The following ARMC9 variants were observed in gnomAD, a reference collection of about 807,000 sequenced individuals.
ARMC9 encodes armadillo repeat containing 9.
Under a neutral mutation model 107.0 loss-of-function variants are expected in ARMC9, and 94 were observed. The observed-to-expected ratio is 0.88, with a 90% CI of 0.74 to 1.04. The LOEUF is 1.04. Ranked by LOEUF, ARMC9 falls within the 50% of genes least tolerant of loss-of-function variation. The pLI, the probability that ARMC9 is intolerant of heterozygous loss-of-function variation, is 0.00. For missense variants in ARMC9, 942 were observed against 1,030.1 expected (o/e 0.91, Z 1.17); for synonymous variants, 380 against 396.9 (o/e 0.96, Z 0.51).
rs144120568 is a variant in ARMC9, at chr2:231,278,421, A to G, written c.1514A>G (p.Lys505Arg). ...MCAKVAGLVL[K>R]VLSDLLGHEN... ...GCCAAGGTGGCAGGCCTCGTGCTCA[A>G]AGTCCTTTCGGATCTTCTTGGCCAT... Residue 505 changes from lysine (K) to arginine (R), a missense_variant, in exon 16 of 25, where the codon AAA becomes AGA. By Grantham distance (26) the Lys-to-Arg change is conservative (BLOSUM62 2). Coordinates refer to ENST00000611582, the MANE Select transcript of ARMC9 (RefSeq NM_001352754.2). 2.5e-6 allele frequency: 4 copies of G among 1,614,022 alleles called. No homozygotes were observed. Among genetic ancestry groups the G allele is most frequent in the African/African-American group, 2.7e-5 (2 of 74,920 alleles).
intron 22 of ARMC9, among the ~76,000 whole-genome samples, chr2:231,357,772 T>C (rs887837268): frequency 2.0e-5 from 3 of 152,144 alleles, no homozygotes; most frequent in African/African-American, 7.2e-5. Flanking sequence ...CGAAGTTTGC[T>C]GTTGCCTAGG....
At chr2:231,236,628 T>C (rs2035738803) in intron 8 of ARMC9, among the ~76,000 whole-genome samples, 1 of 152,084 alleles carries the variant, frequency 6.6e-6, no homozygotes, top group Non-Finnish European at 1.5e-5. Context: ...GAGACCTCTG[T>C]CACTAAAAAT....
At chr2:231,356,296 C>A (rs1020932469) in intron 22 of ARMC9, among the ~76,000 whole-genome samples, 24 of 152,310 alleles carry the variant, frequency 1.6e-4, no homozygotes, top group African/African-American at 5.5e-4. Context: ...AGGCCAGCCG[C>A]CTGCTGGAAG....
chr2:231,240,130 A>G (rs983540099), intron 9 of ARMC9, 89 bp downstream of exon 9: 1 of 1,120,396 alleles, frequency 8.9e-7, no homozygotes, highest in East Asian at 2.6e-5. Context: ...TGAAAAAATA[A>G]CATGCAAGAG....
chr2:231,359,967 A>G (rs1575181167), intron 22 of ARMC9, among the ~76,000 whole-genome samples: 1 of 152,298 alleles, frequency 6.6e-6, no homozygotes, highest in East Asian at 1.9e-4. Flanking sequence ...AAGAGCTGAG[A>G]GGAGCTTGGC....
At position 231,304,088 on chromosome 2, in the gene ARMC9, G is replaced by A. The variant is rs953737477; in HGVS notation, c.1773+7835G>A. On this transcript the variant is annotated intron_variant, in intron 19 of 24. Transcript: ENST00000611582. ...CTACTGAAAATACAAAAGTTAGCTG[G>A]GTGTGGTGGCGCACGCCTGTAGTCC... 4.6e-5 allele frequency among the ~76,000 whole-genome samples: 7 copies of A among 152,118 alleles called. No individual in the cohort carries two copies. The East Asian group carries it at 1.4e-3, about 30-fold the overall frequency.
chr2:231,258,427 C>A (rs573955856), intron 10 of ARMC9, among the ~76,000 whole-genome samples: 2 of 152,144 alleles, frequency 1.3e-5, no homozygotes, highest in African/African-American at 4.8e-5. Context: ...GTGATCCACC[C>A]GCACAGGCCT....
At chr2:231,270,678 T>C (rs1482857871) in intron 12 of ARMC9, 2 of 544,066 alleles carry the variant, frequency 3.7e-6, no homozygotes, top group Admixed American at 2.2e-5. Flanking sequence ...TCTGCCATTC[T>C]AACCTGGAAA....
chr2:231,313,617 G>A (rs947450531), intron 19 of ARMC9, among the ~76,000 whole-genome samples: 4 of 152,032 alleles, frequency 2.6e-5, no homozygotes, highest in African/African-American at 9.7e-5. Flanking sequence ...AAGCTCCCTT[G>A]TGCACATTTG....
intron 1 of ARMC9, among the ~76,000 whole-genome samples, chr2:231,203,686 G>C (rs982665464): frequency 6.6e-6 from 1 of 152,158 alleles, no homozygotes; most frequent in East Asian, 1.9e-4. Flanking sequence ...AAGGCTGGGC[G>C]TGGTGGCTCA....
At chr2:231,203,804 A>T (rs1054608217) in intron 1 of ARMC9, among the ~76,000 whole-genome samples, 1 of 152,182 alleles carries the variant, frequency 6.6e-6, no homozygotes, top group Non-Finnish European at 1.5e-5. Flanking sequence ...TACTAAAAAT[A>T]CAAAAATTAG....
At chr2:231,263,861 T>C (rs973114834) in intron 12 of ARMC9, among the ~76,000 whole-genome samples, 1 of 152,234 alleles carries the variant, frequency 6.6e-6, no homozygotes, top group East Asian at 1.9e-4. Context: ...TAATGTATTG[T>C]TATAACTTCC....
Position 231,304,565 on chromosome 2 carries a change from T to C in ARMC9, c.1773+8312T>C, listed in dbSNP as rs368154820. ...CATGTGCCACCACGCCTGGCTAATT[T>C]TTTGTATTTTTAGTAGAGACAGGGC... is the stretch of plus-strand genomic sequence containing the variant. On this transcript the variant is annotated intron_variant, in intron 19 of 24. Coordinates refer to ENST00000611582, the MANE Select transcript of ARMC9 (RefSeq NM_001352754.2). 2.0e-5 allele frequency among the ~76,000 whole-genome samples: 3 copies of C among 152,248 alleles called. No homozygotes were observed. The East Asian group carries it at 5.8e-4, about 30-fold the overall frequency.
intron 6 of ARMC9, 22 bp from the exon 7 acceptor site, chr2:231,226,752 C>G: frequency 6.2e-7 from 1 of 1,612,756 alleles, no homozygotes; most frequent in Non-Finnish European, 8.5e-7. Context: ...GCCTGTTTTC[C>G]TGAACTTCTT....
intron 13 of ARMC9, among the ~76,000 whole-genome samples, chr2:231,272,204 T>C (rs2039391085): frequency 1.4e-5 from 2 of 147,004 alleles, no homozygotes; most frequent in Admixed American, 1.3e-4. Flanking sequence ...TTTTTTTTTT[T>C]TTTTTTGAGA....
chr2:231,270,854 C>A, intron 12 of ARMC9, 128 bp from the exon 13 acceptor site: 2 of 813,122 alleles, frequency 2.5e-6, no homozygotes, highest in Non-Finnish European at 2.1e-6. Context: ...AAATGTTTGG[C>A]TTTAGTCTGT....
At chr2:231,340,880 C>G (rs1553633059) in intron 20 of ARMC9, among the ~76,000 whole-genome samples, 1 of 151,854 alleles carries the variant, frequency 6.6e-6, no homozygotes, top group Non-Finnish European at 1.5e-5. Flanking sequence ...AGAGCAAGCT[C>G]CGTCTCAAAA....
At chr2:231,238,498 T>G (rs1317199400) in intron 8 of ARMC9, among the ~76,000 whole-genome samples, 1 of 152,170 alleles carries the variant, frequency 6.6e-6, no homozygotes, top group Non-Finnish European at 1.5e-5. Context: ...TACAGGTGTG[T>G]GCCACCATGC....
chr2:231,364,713 A>G (rs1028145216), intron 23 of ARMC9, among the ~76,000 whole-genome samples: 1 of 151,964 alleles, frequency 6.6e-6, no homozygotes, highest in Non-Finnish European at 1.5e-5. Context: ...CAGGAGAATC[A>G]TTTGAACCCA....
Sources: gnomAD v4.1 joint callset for allele counts (sites outside exome capture counted in the v4.1 genomes callset) on GRCh38, gnomAD v4.1.1 for gene constraint, MANE v1.5 for transcripts, NCBI Gene and HGNC (gene_info 2026-07-23, HGNC 2026-07-21) for gene names.